GLT8D2: variants seen among roughly 807,000 people sequenced by gnomAD.
GLT8D2 encodes the protein glycosyltransferase 8 domain-containing protein 2.
A neutral mutation model predicts 44.5 loss-of-function variants in GLT8D2; 45 were observed. That is an observed-to-expected ratio of 1.01 (90% CI 0.80 to 1.30). The LOEUF is 1.30. Ranked by LOEUF, GLT8D2 falls within the 50% of genes most tolerant of loss-of-function variation. GLT8D2 has a pLI of 0.00. For synonymous variants in GLT8D2, 156 were observed against 157.2 expected (o/e 0.99, Z 0.06); for missense variants, 400 against 430.4 (o/e 0.93, Z 0.62).
intron 10 of GLT8D2, among the ~76,000 whole-genome samples, chr12:103,990,366 CAA>C (rs1348868990): frequency 2.0e-5 from 3 of 151,970 alleles, no homozygotes; most frequent in Non-Finnish European, 4.4e-5. Flanking sequence ...ACTTTTTAAA[CAA>C]ACAGCTATCT....
rs756718788 is a variant in GLT8D2 at position 104,044,872 on chromosome 12, CAT to C, written c.-164+5021_-164+5022del. The stretch of plus-strand genomic sequence containing the variant: ...CTGAAAAGTCTGAAGAATAAATACT[CAT>C]ATACCTTTCACCAGATCCACCAGTT... On this transcript the variant is annotated intron_variant, in intron 1 of 10. Coordinates refer to ENST00000360814, the MANE Select transcript of GLT8D2 (RefSeq NM_001384711.1). Among the ~76,000 whole-genome samples the C allele has an allele frequency of 2.0e-5, 3 of 152,232 alleles. No homozygotes were observed. In the South Asian group the frequency reaches 6.2e-4, roughly 31 times the overall value.
chr12:104,009,630 G>C (rs1875551921), intron 4 of GLT8D2, among the ~76,000 whole-genome samples: 1 of 152,124 alleles, frequency 6.6e-6, no homozygotes, highest in African/African-American at 2.4e-5. Context: ...AGATTTGGAG[G>C]GACCAGGGGC....
At chr12:104,008,844 C>T (rs1875437268) in intron 4 of GLT8D2, among the ~76,000 whole-genome samples, 1 of 152,258 alleles carries the variant, frequency 6.6e-6, no homozygotes, top group South Asian at 2.1e-4. Context: ...GCCATGGCTT[C>T]AGAGGGTGCA....
chr12:103,990,900 G>A (rs2723849), intron 10 of GLT8D2, among the ~76,000 whole-genome samples: 136,566 of 152,222 alleles, frequency 0.9, 61,347 homozygotes, highest in East Asian at 1. Flanking sequence ...GGGGCTTGCA[G>A]TTTGGGTGAT....
intron 1 of GLT8D2, among the ~76,000 whole-genome samples, chr12:104,033,346 T>C (rs1431011505): frequency 6.6e-6 from 1 of 152,144 alleles, no homozygotes; most frequent in African/African-American, 2.4e-5. Context: ...AATCATGCCA[T>C]TTGTGACAAT....
At chr12:103,995,153 G>A (rs1042049388) in intron 8 of GLT8D2, among the ~76,000 whole-genome samples, 2 of 152,022 alleles carry the variant, frequency 1.3e-5, no homozygotes, top group Non-Finnish European at 1.5e-5. Flanking sequence ...ATGGATTTCT[G>A]CAAGTTCCTC....
rs546947011 is a variant in GLT8D2, at chr12:104,012,899, G to T, written c.112+2114C>A. 3 of 663,960 alleles carry T rather than the reference G, an allele frequency of 4.5e-6. No homozygotes were observed. The South Asian group carries it at 4.9e-5, about 11-fold the overall frequency. 41.1% of individuals were successfully genotyped at this position (663,960 alleles called of 1,614,324 possible). On this transcript the variant is annotated intron_variant, in intron 4 of 10. Coordinates refer to ENST00000360814, the MANE Select transcript of GLT8D2 (RefSeq NM_001384711.1). ...GAATGCAGCACAGAGAAAAGGCCACGTGAGGACACAGCAAGAAGGCGGCCA... is the reference window on the plus strand; with the variant it reads ...GAATGCAGCACAGAGAAAAGGCCACTTGAGGACACAGCAAGAAGGCGGCCA...
chr12:104,009,928 C>T (rs1875598562), intron 4 of GLT8D2, among the ~76,000 whole-genome samples: 1 of 152,002 alleles, frequency 6.6e-6, no homozygotes, highest in Admixed American at 6.6e-5. Context: ...ACTGTAAGTC[C>T]AATTAAACCT....
chr12:103,992,681 C>T (rs1005885127), intron 10 of GLT8D2, among the ~76,000 whole-genome samples: 6 of 151,844 alleles, frequency 4.0e-5, no homozygotes, highest in Non-Finnish European at 7.4e-5. Flanking sequence ...TTAGCAGAGA[C>T]GGGTTTCACC....
intron 1 of GLT8D2, among the ~76,000 whole-genome samples, chr12:104,040,143 G>C (rs1880371979): frequency 6.6e-6 from 1 of 152,188 alleles, no homozygotes; most frequent in Admixed American, 6.5e-5. Flanking sequence ...ACCAGGGCCT[G>C]TCATGGGGTG....
chr12:104,056,686 T>C (rs1323627213), intron 1 of GLT8D2, among the ~76,000 whole-genome samples: 1 of 152,222 alleles, frequency 6.6e-6, no homozygotes, highest in Non-Finnish European at 1.5e-5. Context: ...AGTTCAAATT[T>C]CAGTTACCAC....
intron 1 of GLT8D2, among the ~76,000 whole-genome samples, chr12:104,032,643 T>C (rs1481562802): frequency 6.6e-6 from 1 of 152,048 alleles, no homozygotes; most frequent in African/African-American, 2.4e-5. Context: ...ATGGCTATTA[T>C]CAAAAAGTCA....
chr12:104,041,273 G>A (rs1160361042), intron 1 of GLT8D2, among the ~76,000 whole-genome samples: 3 of 152,184 alleles, frequency 2.0e-5, no homozygotes, highest in African/African-American at 7.2e-5. Flanking sequence ...AATTAGCTGG[G>A]CGTGGTGACA....
intron 4 of GLT8D2, among the ~76,000 whole-genome samples, chr12:104,009,546 G>C (rs1875540339): frequency 6.6e-6 from 1 of 152,218 alleles, no homozygotes; most frequent in African/African-American, 2.4e-5. Context: ...GGAGTTTTGA[G>C]TTAATGCTGA....
chr12:104,032,346 C>T (rs1879357664), intron 1 of GLT8D2, among the ~76,000 whole-genome samples: 1 of 148,924 alleles, frequency 6.7e-6, no homozygotes, highest in Non-Finnish European at 1.5e-5. Flanking sequence ...GTATCTTTCA[C>T]TGATTTCTGA....
intron 1 of GLT8D2, among the ~76,000 whole-genome samples, chr12:104,061,903 G>A (rs1882680507): frequency 6.7e-6 from 1 of 150,296 alleles, no homozygotes; most frequent in Admixed American, 6.6e-5. Flanking sequence ...TTGAACCTAG[G>A]AGGTGGAGGT....
chr12:104,014,801 T>C (rs1225227722), intron 4 of GLT8D2, among the ~76,000 whole-genome samples: 4 of 152,196 alleles, frequency 2.6e-5, no homozygotes, highest in Non-Finnish European at 5.9e-5. Context: ...AAGCTCTCCA[T>C]GTGACTCTCA....
intron 1 of GLT8D2, among the ~76,000 whole-genome samples, chr12:104,046,525 T>C (rs1379320850): frequency 3.9e-5 from 6 of 152,182 alleles, no homozygotes; most frequent in Admixed American, 3.9e-4. Flanking sequence ...CCAACCACTT[T>C]CCATCGCTAT....
intron 8 of GLT8D2, among the ~76,000 whole-genome samples, chr12:103,996,178 C>T (rs1223039677): frequency 6.6e-6 from 1 of 152,158 alleles, no homozygotes; most frequent in Admixed American, 6.5e-5. Context: ...CAAAGCTACC[C>T]CTTCGGTTTC....
Sources: allele counts gnomAD v4.1 joint callset (sites outside exome capture counted in the v4.1 genomes callset), GRCh38; gene constraint gnomAD v4.1.1; transcripts MANE v1.5; gene names NCBI Gene and HGNC (gene_info 2026-07-23, HGNC 2026-07-21).